The following CFDP1 variants were observed in gnomAD, a reference collection of about 807,000 sequenced individuals.
CFDP1 encodes the protein chromatin remodeling protein CFDP1.
In CFDP1, 31 loss-of-function variants were observed where a neutral mutation model predicts 40.1. The ratio of observed to expected loss-of-function variants is 0.77; its 90% CI spans 0.58 to 1.04. The LOEUF is 1.04. Among genes scored for constraint, CFDP1 ranks in the 50% least tolerant of loss-of-function variants. The pLI is 0.00. For synonymous variants in CFDP1, 167 were observed against 120.0 expected (o/e 1.39, Z -2.56); for missense variants, 423 against 343.4 (o/e 1.23, Z -1.83).
chr16:75,303,942 A>C (rs545113204), intron 6 of CFDP1, among the ~76,000 whole-genome samples: 1 of 152,200 alleles, frequency 6.6e-6, no homozygotes, highest in East Asian at 1.9e-4. Context: ...ATTTCCTTTC[A>C]TGGCTAGGGG....
intron 5 of CFDP1, among the ~76,000 whole-genome samples, chr16:75,324,050 T>C (rs750171562): frequency 3.3e-5 from 5 of 152,246 alleles, no homozygotes; most frequent in Non-Finnish European, 5.9e-5. Context: ...TATCGTTGAG[T>C]GCCTTCAGTG....
chr16:75,431,246 G>A (rs145836037), intron 1 of CFDP1, among the ~76,000 whole-genome samples: 20 of 151,970 alleles, frequency 1.3e-4, no homozygotes, highest in African/African-American at 4.6e-4. Context: ...GAGGTCAGGA[G>A]TTTGAAACAA....
Position 75,411,905 on chromosome 16 carries a change from T to C in CFDP1, c.450A>G (p.Lys150=). 2.5e-6 allele frequency: 4 copies of C among 1,611,940 alleles called. No individual in the cohort carries two copies. Among genetic ancestry groups the C allele is most frequent in the Non-Finnish European group, 3.4e-6 (4 of 1,179,490 alleles). ...CTTTAGGTTTCTCTAGCTCTTCTGC[T>C]TTTACCAACAATTTACTTGAACTTG... is the stretch of plus-strand genomic sequence containing the variant. ...EETSSSKLLV[K]AEELEKPKET... The change falls in exon 4 of 7, where the codon AAA becomes AAG. Residue 150 remains lysine (K), a synonymous_variant. Coordinates refer to ENST00000283882, the MANE Select transcript of CFDP1 (RefSeq NM_006324.3).
At chr16:75,352,313 C>A (rs1482510874) in intron 5 of CFDP1, among the ~76,000 whole-genome samples, 2 of 151,958 alleles carry the variant, frequency 1.3e-5, no homozygotes, top group Non-Finnish European at 2.9e-5. Context: ...AGCACTCCAT[C>A]CTGGGCAACA....
At chr16:75,368,446 C>G (rs2078731485) in intron 5 of CFDP1, among the ~76,000 whole-genome samples, 2 of 152,130 alleles carry the variant, frequency 1.3e-5, no homozygotes, top group African/African-American at 4.8e-5. Flanking sequence ...AGATTGGTTA[C>G]ATGCACATGG....
intron 6 of CFDP1, among the ~76,000 whole-genome samples, chr16:75,303,116 C>T (rs1286210023): frequency 1.3e-5 from 2 of 150,570 alleles, no homozygotes; most frequent in Non-Finnish European, 3.0e-5. Context: ...AGGAGAATCG[C>T]TTGAACCCGG....
intron 1 of CFDP1, among the ~76,000 whole-genome samples, chr16:75,431,403 G>T (rs1481419213): frequency 7.9e-6 from 1 of 126,114 alleles, no homozygotes; most frequent in Non-Finnish European, 1.6e-5. Flanking sequence ...GCAGTGAGAC[G>T]AGATCCCGCT....
At chr16:75,411,165 C>T (rs553550507) in intron 4 of CFDP1, among the ~76,000 whole-genome samples, 3 of 152,070 alleles carry the variant, frequency 2.0e-5, no homozygotes, top group Admixed American at 1.3e-4. Context: ...TCGCAATGAG[C>T]CGAGATCGCA....
chr16:75,357,421 A>G (rs1597352101), intron 5 of CFDP1, among the ~76,000 whole-genome samples: 1 of 151,726 alleles, frequency 6.6e-6, no homozygotes, highest in East Asian at 1.9e-4. Context: ...TGACCAGCTA[A>G]TTTTTGTATT....
At chr16:75,374,114 G>A (rs1045108203) in intron 5 of CFDP1, among the ~76,000 whole-genome samples, 3 of 151,988 alleles carry the variant, frequency 2.0e-5, no homozygotes, top group African/African-American at 4.8e-5. Context: ...TCAGCCAGGC[G>A]TGGTGGTGGG....
intron 6 of CFDP1, among the ~76,000 whole-genome samples, chr16:75,303,202 C>T (rs978813376): frequency 7.5e-5 from 11 of 146,386 alleles, no homozygotes; most frequent in Admixed American, 2.1e-4. Flanking sequence ...CCCGTCTCTA[C>T]TAAAAATACA....
chr16:75,418,292 T>A (rs936381540), intron 1 of CFDP1, among the ~76,000 whole-genome samples: 6 of 130,520 alleles, frequency 4.6e-5, no homozygotes, highest in East Asian at 2.4e-4. Flanking sequence ...AGAATATCAA[T>A]ATGAACTCTA....
chr16:75,433,147 G>A (rs2079445037), intron 1 of CFDP1, 142 bp downstream of exon 1: 1 of 734,672 alleles, frequency 1.4e-6, no homozygotes, highest in Non-Finnish European at 2.2e-6. Context: ...GAGGATGAGG[G>A]GCCTGAGGGA....
Position 75,293,828 on chromosome 16 carries a change from A to G in CFDP1, c.*124T>C. On this transcript the variant is annotated 3_prime_UTR_variant, in exon 7 of 7. Coordinates refer to ENST00000283882, the MANE Select transcript of CFDP1 (RefSeq NM_006324.3). The stretch of plus-strand genomic sequence containing the variant: ...ATTAAGATACATAGACAGAACTTCA[A>G]TGTAGAAAAAAAAAAGACCTTGCTG... 2 of 712,848 alleles carry G rather than the reference A, an allele frequency of 2.8e-6. No individual in the cohort carries two copies. The highest frequency in any genetic ancestry group is 4.6e-6 in the Non-Finnish European group (2 of 430,974). The allele number at this position is 712,848 out of a possible 1,614,324, so 44.2% of individuals were successfully genotyped here.
intron 5 of CFDP1, among the ~76,000 whole-genome samples, chr16:75,373,890 C>A (rs569573039): frequency 1.3e-5 from 2 of 152,276 alleles, no homozygotes; most frequent in East Asian, 1.9e-4. Context: ...GCAATCTTTA[C>A]AAACATACTG....
At chr16:75,391,900 G>A (rs1032738724) in intron 5 of CFDP1, among the ~76,000 whole-genome samples, 2 of 151,942 alleles carry the variant, frequency 1.3e-5, no homozygotes, top group African/African-American at 4.8e-5. Context: ...CCCAGGAGGT[G>A]GAGCTTGCAG....
intron 5 of CFDP1, among the ~76,000 whole-genome samples, chr16:75,349,668 A>AT (rs1567653447): frequency 1.4e-3 from 13 of 9,164 alleles, no homozygotes; most frequent in Non-Finnish European, 7.7e-4. Flanking sequence ...AAAAAAAAAA[A>AT]AAAAAAAAAA....
chr16:75,375,806 G>C (rs1479671467), intron 5 of CFDP1, among the ~76,000 whole-genome samples: 1 of 134,200 alleles, frequency 7.5e-6, no homozygotes, highest in Non-Finnish European at 1.7e-5. Context: ...AAAAAAAAAA[G>C]ACTGACAACA....
At chr16:75,349,919 A>C (rs556436667) in intron 5 of CFDP1, among the ~76,000 whole-genome samples, 1 of 151,692 alleles carries the variant, frequency 6.6e-6, no homozygotes, top group Non-Finnish European at 1.5e-5. Flanking sequence ...AATACAAAGT[A>C]GAATAGAGAT....
Sources: gnomAD v4.1 joint callset for allele counts (sites outside exome capture counted in the v4.1 genomes callset) on GRCh38, gnomAD v4.1.1 for gene constraint, MANE v1.5 for transcripts, NCBI Gene and HGNC (gene_info 2026-07-23, HGNC 2026-07-21) for gene names.